Variants in ZNF287 observed in about 807,000 individuals in gnomAD.
ZNF287 encodes zinc finger protein with KRAB and SCAN domains 13.
ZNF287 carries 31 observed loss-of-function variants against 73.7 expected under a neutral mutation model. The ratio of observed to expected loss-of-function variants is 0.42; its 90% confidence interval spans 0.32 to 0.57. The LOEUF is 0.57. Among genes scored for constraint, ZNF287 ranks in the 20% least tolerant of loss-of-function variants. The pLI, the probability that ZNF287 is intolerant of heterozygous loss-of-function variation, is 0.13. For missense variants in ZNF287, 641 were observed against 909.3 expected, an observed-to-expected ratio of 0.70 and a Z score of 3.79; for synonymous variants, 301 against 307.2, an observed-to-expected ratio of 0.98 and a Z score of 0.21.
chr17:16,551,926 TTACCACATATACGACATGCA>T lies in ZNF287; in HGVS notation c.2196_2215del (p.Tyr732Ter), dbSNP rs1408176817. 3 of 1,613,948 alleles carry T rather than the reference TTACCACATATACGACATGCA, an allele frequency of 1.9e-6. No individual in the cohort carries two copies. The highest frequency in any genetic ancestry group is 2.5e-6 in the Non-Finnish European group (3 of 1,179,962). On this transcript the variant is annotated stop_gained and frameshift_variant, in exon 6 of 6. Transcript: ENST00000395825. LOFTEE classifies it high-confidence loss of function. ...AAGGTTTGTACTCTGGGTGAAGGTTTTACCACATATACGACATGCATAGGGTTTCTCTCCTGTGTGAATTC... is the reference window on the plus strand; with the variant it reads ...AAGGTTTGTACTCTGGGTGAAGGTTTTAGGGTTTCTCTCCTGTGTGAATTC...
chr17:16,567,678 TAGA>T lies in ZNF287; in HGVS notation c.51_53del (p.Leu18del). 1 of 1,614,080 alleles carries T rather than the reference TAGA, an allele frequency of 6.2e-7. No individual in the cohort carries two copies. ...TCTGAGCCTTGTCTGACTTCCACCTTAGAAGGATTTGAGAACGTGAAGAACTGT... is the reference window on the plus strand; with the variant it reads ...TCTGAGCCTTGTCTGACTTCCACCTTAGGATTTGAGAACGTGAAGAACTGT... On this transcript the variant is annotated inframe_deletion, in exon 2 of 6. Transcript: ENST00000395825.
intron 2 of ZNF287, 126 bp downstream of exon 2, chr17:16,567,203 T>G: frequency 7.5e-7 from 1 of 1,328,646 alleles, no homozygotes; most frequent in Admixed American, 2.4e-5. Flanking sequence ...GTTTCTTTCT[T>G]TTTAAAAAAT....
chr17:16,547,858 C>T lies in ZNF287; in HGVS notation c.*3998G>A, dbSNP rs565703939. Reference sequence around the variant, plus strand: ...AGATACTTGAAGGGCTCCACCTGGCCAAATTTGGGACAATCTGAACATCAG... The same window carrying T: ...AGATACTTGAAGGGCTCCACCTGGCTAAATTTGGGACAATCTGAACATCAG... On this transcript the variant is annotated 3_prime_UTR_variant, in exon 6 of 6. Coordinates refer to ENST00000395825, the MANE Select transcript of ZNF287 (RefSeq NM_020653.4). Among the ~76,000 whole-genome samples, 144 of 152,214 alleles carry T rather than the reference C, an allele frequency of 9.5e-4. No homozygotes were observed. The highest frequency in any genetic ancestry group is 1.7e-3 in the Non-Finnish European group (118 of 68,020).
chr17:16,560,533 A>G (rs896274005), intron 5 of ZNF287, among the ~76,000 whole-genome samples: 4 of 151,408 alleles, frequency 2.6e-5, no homozygotes, highest in African/African-American at 7.3e-5. Flanking sequence ...TATTTTCAGT[A>G]GAGACAGAGT....
chr17:16,548,629 C>G lies in ZNF287; in HGVS notation c.*3227G>C, dbSNP rs1906430918. 6.6e-6 allele frequency among the ~76,000 whole-genome samples: 1 copy of G among 152,058 alleles called. No individual in the cohort carries two copies. Among genetic ancestry groups the G allele is most frequent in the Non-Finnish European group, 1.5e-5 (1 of 68,018 alleles). On this transcript the variant is annotated 3_prime_UTR_variant, in exon 6 of 6. Coordinates refer to ENST00000395825, the MANE Select transcript of ZNF287 (RefSeq NM_020653.4). ...TGGCTAACACAGTGAAACCCCATCTCTACTAAAAAAATACAAAGAAATTAG... is the reference window on the plus strand; with the variant it reads ...TGGCTAACACAGTGAAACCCCATCTGTACTAAAAAAATACAAAGAAATTAG...
chr17:16,547,559 A>T lies in ZNF287; in HGVS notation c.*4297T>A, dbSNP rs1906347315. Among the ~76,000 whole-genome samples, 1 of 152,220 alleles carries T rather than the reference A, an allele frequency of 6.6e-6. No homozygotes were observed. Among genetic ancestry groups the T allele is most frequent in the Non-Finnish European group, 1.5e-5 (1 of 68,048 alleles). On this transcript the variant is annotated 3_prime_UTR_variant, in exon 6 of 6. Transcript: ENST00000395825. ...TTATATCCCTCATTACACAGATATTAGGTAACTGATGGCATGAGTGAAGAG... is the reference window on the plus strand; with the variant it reads ...TTATATCCCTCATTACACAGATATTTGGTAACTGATGGCATGAGTGAAGAG...
Position 16,551,714 on chromosome 17 carries a change from C to A in ZNF287, c.*142G>T. The A allele has an allele frequency of 1.2e-6, 1 of 823,264 alleles. No homozygotes were observed. 51.0% of individuals were successfully genotyped at this position (823,264 alleles called of 1,614,324 possible). ...CACATTAAATCTAAATAGGTTATATCCATACCACTACTTCTGATACTTCTG... is the reference window on the plus strand; with the variant it reads ...CACATTAAATCTAAATAGGTTATATACATACCACTACTTCTGATACTTCTG... On this transcript the variant is annotated 3_prime_UTR_variant, in exon 6 of 6. Transcript: ENST00000395825.
chr17:16,555,075 G>A (rs1265427721), intron 5 of ZNF287, among the ~76,000 whole-genome samples: 2 of 152,160 alleles, frequency 1.3e-5, no homozygotes, highest in African/African-American at 4.8e-5. Flanking sequence ...GTACAGTCAT[G>A]GATTTCTTAA....
At position 16,548,006 on chromosome 17, in the gene ZNF287, T is replaced by C. The variant is rs1271891686; in HGVS notation, c.*3850A>G. Among the ~76,000 whole-genome samples the C allele has an allele frequency of 1.3e-5, 2 of 152,232 alleles. No individual in the cohort carries two copies. Among genetic ancestry groups the C allele is most frequent in the African/African-American group, 4.8e-5 (2 of 41,458 alleles). On this transcript the variant is annotated 3_prime_UTR_variant, in exon 6 of 6. Transcript: ENST00000395825. ...TAATTAAGGTAAAATAATTGCTGAC[T>C]GTGCCTCTAGTGCATTCCTAGTTGA... is the stretch of plus-strand genomic sequence containing the variant.
chr17:16,556,532 AAAGT>A (rs1333832095), intron 5 of ZNF287, among the ~76,000 whole-genome samples: 18 of 152,186 alleles, frequency 1.2e-4, no homozygotes, highest in African/African-American at 3.9e-4. Flanking sequence ...AGCAAAATAA[AAAGT>A]AATAAAAAAG....
intron 5 of ZNF287, among the ~76,000 whole-genome samples, chr17:16,556,165 GACACAC>G (rs137989045): frequency 1.9e-4 from 28 of 144,312 alleles, no homozygotes; most frequent in South Asian, 1.1e-3. Context: ...GACAGACACA[GACACAC>G]ACACACACAC....
chr17:16,567,332 C>A lies in ZNF287; in HGVS notation c.400G>T (p.Glu134Ter). 6.2e-7 allele frequency: 1 copy of A among 1,610,892 alleles called. No homozygotes were observed. The change falls in exon 2 of 6, where the codon GAA becomes TAA. Residue 134 changes from glutamate (E) to a stop codon, truncating the protein, a stop_gained. Transcript: ENST00000395825. LOFTEE classifies it high-confidence loss of function. ...VEDLTQILEE[E>*]APQNSTLSQD... ...CTCTCTGCTCTATGATTCTCACCTT[C>A]CTCTTCTAGAATCTGAGTCAAATCC... is the stretch of plus-strand genomic sequence containing the variant.
intron 5 of ZNF287, among the ~76,000 whole-genome samples, chr17:16,560,522 GTATTT>G (rs1907374591): frequency 4.7e-5 from 7 of 150,214 alleles, no homozygotes; most frequent in African/African-American, 1.5e-4. Context: ...GCTAATTTTT[GTATTT>G]TCAGTAGAGA....
At chr17:16,556,524 C>A in intron 5 of ZNF287, among the ~76,000 whole-genome samples, 1 of 151,018 alleles carries the variant, frequency 6.6e-6, no homozygotes, top group East Asian at 1.9e-4. Flanking sequence ...GTAGGTGTAG[C>A]AAAATAAAAA....
chr17:16,558,733 CA>C (rs1472522526), intron 5 of ZNF287, among the ~76,000 whole-genome samples: 1 of 152,164 alleles, frequency 6.6e-6, no homozygotes, highest in Non-Finnish European at 1.5e-5. Flanking sequence ...GTAGTCTCAG[CA>C]CTGGAGGCCA....
chr17:16,548,063 C>T lies in ZNF287; in HGVS notation c.*3793G>A, dbSNP rs1336275384. 6.6e-6 allele frequency among the ~76,000 whole-genome samples: 1 copy of T among 152,158 alleles called. No individual in the cohort carries two copies. Among genetic ancestry groups the T allele is most frequent in the East Asian group, 1.9e-4 (1 of 5,194 alleles). On this transcript the variant is annotated 3_prime_UTR_variant, in exon 6 of 6. Coordinates refer to ENST00000395825, the MANE Select transcript of ZNF287 (RefSeq NM_020653.4). ...AACATTATACAAGAATGCCACTCAA[C>T]AAGTGTAGAGTGATAGAATTAGAAA... is the stretch of plus-strand genomic sequence containing the variant.
chr17:16,561,170 C>CG (rs1569020322), intron 5 of ZNF287, among the ~76,000 whole-genome samples: 1 of 151,886 alleles, frequency 6.6e-6, no homozygotes. Flanking sequence ...AAAAACTAGC[C>CG]GGGTGTGGTG....
At chr17:16,561,786 C>T (rs1907464550) in intron 5 of ZNF287, among the ~76,000 whole-genome samples, 1 of 152,122 alleles carries the variant, frequency 6.6e-6, no homozygotes, top group Admixed American at 6.5e-5. Flanking sequence ...AGATAGGAGA[C>T]ATGCAAGTAG....
intron 5 of ZNF287, among the ~76,000 whole-genome samples, chr17:16,555,087 AATGAGG>A (rs1380009516): frequency 5.3e-5 from 8 of 152,178 alleles, no homozygotes; most frequent in Non-Finnish European, 1.2e-4. Flanking sequence ...ATTTCTTAAC[AATGAGG>A]ATACGTTCTG....
Sources: allele counts gnomAD v4.1 joint callset (sites outside exome capture counted in the v4.1 genomes callset), GRCh38; gene constraint gnomAD v4.1.1; transcripts MANE v1.5; gene names NCBI Gene and HGNC (gene_info 2026-07-23, HGNC 2026-07-21).